Variants in DPP10 observed in about 807,000 individuals in gnomAD.
DPP10 encodes the protein dipeptidyl peptidase like 10, also known as inactive dipeptidyl peptidase 10.
In DPP10, 33 loss-of-function variants were observed where a neutral mutation model predicts 120.9. The ratio of observed to expected loss-of-function variants is 0.27; its 90% CI spans 0.21 to 0.37. The LOEUF (loss-of-function observed/expected upper bound fraction) is 0.37, where lower values mean the gene tolerates loss of function less well. Among genes scored for constraint, DPP10 ranks in the 10% least tolerant of loss-of-function variants. DPP10 has a pLI of 1.00. For synonymous variants in DPP10, 337 were observed against 326.1 expected (o/e 1.03, Z -0.36); for missense variants, 816 against 942.8 (o/e 0.87, Z 1.76).
intron 1 of DPP10, among the ~76,000 whole-genome samples, chr2:115,301,407 T>A (rs1194180941): frequency 6.6e-6 from 1 of 151,678 alleles, no homozygotes; most frequent in Non-Finnish European, 1.5e-5. Context: ...GCCAGAACTT[T>A]GCAAAATAAG....
At chr2:114,713,533 T>C (rs935402545) in intron 1 of DPP10, among the ~76,000 whole-genome samples, 1 of 152,200 alleles carries the variant, frequency 6.6e-6, no homozygotes, top group African/African-American at 2.4e-5. Flanking sequence ...TATTTGGCAC[T>C]GAACTGAACA....
chr2:115,705,189 T>A (rs1207466390), intron 7 of DPP10, among the ~76,000 whole-genome samples: 2 of 152,002 alleles, frequency 1.3e-5, no homozygotes, highest in Admixed American at 1.3e-4. Context: ...AATTGTGAAC[T>A]ATTTGATCAA....
At chr2:114,524,246 A>G (rs943209066) in intron 1 of DPP10, among the ~76,000 whole-genome samples, 6 of 152,234 alleles carry the variant, frequency 3.9e-5, no homozygotes, top group African/African-American at 1.2e-4. Flanking sequence ...TAGAGAGGAA[A>G]CAGAATGTCA....
In DPP10 at chr2:114,568,576, G is replaced by A. The variant is rs531326772; in HGVS notation, c.60+125738G>A. On this transcript the variant is annotated intron_variant, in intron 1 of 25. Transcript: ENST00000410059. ...CCCATCCCATTATCGCCTCAATCCC[G>A]AGCCTCTGTCCTCGGATCTGACCTG... Among the ~76,000 whole-genome samples the A allele has an allele frequency of 1.7e-4, 26 of 152,188 alleles. No homozygotes were observed. In the East Asian group the frequency reaches 2.9e-3, roughly 17 times the overall value.
intron 1 of DPP10, among the ~76,000 whole-genome samples, chr2:114,732,432 A>T (rs1327457465): frequency 6.6e-6 from 1 of 152,208 alleles, no homozygotes; most frequent in East Asian, 1.9e-4. Context: ...TTTACAGACC[A>T]AATGAGTTCA....
intron 3 of DPP10, among the ~76,000 whole-genome samples, chr2:115,438,592 AT>A (rs1355694549): frequency 1.3e-5 from 2 of 152,248 alleles, no homozygotes; most frequent in African/African-American, 4.8e-5. Flanking sequence ...GACACATGCT[AT>A]CCCATAGATG....
intron 5 of DPP10, among the ~76,000 whole-genome samples, chr2:115,527,971 C>G (rs2078232500): frequency 6.6e-6 from 1 of 152,026 alleles, no homozygotes; most frequent in Non-Finnish European, 1.5e-5. Context: ...AAAAACTAAG[C>G]ATATATTTGG....
intron 1 of DPP10, among the ~76,000 whole-genome samples, chr2:114,462,688 C>T (rs1298179552): frequency 6.6e-6 from 1 of 152,198 alleles, no homozygotes; most frequent in Non-Finnish European, 1.5e-5. Context: ...GGTGTCTCCA[C>T]TATAAAACGC....
chr2:115,254,850 A>G (rs576246377), intron 1 of DPP10, among the ~76,000 whole-genome samples: 2 of 152,286 alleles, frequency 1.3e-5, no homozygotes, highest in African/African-American at 2.4e-5. Flanking sequence ...CTCCCACAGC[A>G]TTTGGCCGCT....
At chr2:114,580,598 C>A (rs533223569) in intron 1 of DPP10, among the ~76,000 whole-genome samples, 9 of 152,210 alleles carry the variant, frequency 5.9e-5, no homozygotes, top group African/African-American at 9.6e-5. Flanking sequence ...TAAATTTTAT[C>A]TTAATCCTGG....
chr2:115,028,436 A>G (rs1418205565), intron 1 of DPP10, among the ~76,000 whole-genome samples: 2 of 152,102 alleles, frequency 1.3e-5, no homozygotes, highest in Non-Finnish European at 2.9e-5. Context: ...GTTTGAGTCC[A>G]CTGTGGTCAG....
rs768617009 is a variant in DPP10, at chr2:115,780,940, A to G, written c.1428A>G (p.Thr476=). 2.5e-6 allele frequency: 4 copies of G among 1,604,250 alleles called. No individual in the cohort carries two copies. In the African/African-American group the frequency reaches 4.0e-5, roughly 16 times the overall value. Residue 476 remains threonine (T), a synonymous_variant, in exon 16 of 26, where the codon ACA becomes ACG. Transcript: ENST00000410059. Reference sequence around the variant, plus strand: ...GTAATTTCATGAAAGAACAATGTACATATTTTGATGCCAGTTTTAGTCCCA... The same window carrying G: ...GTAATTTCATGAAAGAACAATGTACGTATTTTGATGCCAGTTTTAGTCCCA... ...ISCNFMKEQC[T]YFDASFSPMN...
rs376853242 is a variant in DPP10 at position 115,658,054 on chromosome 2, AT to A, written c.442-31628del. On this transcript the variant is annotated intron_variant, in intron 5 of 25. Coordinates refer to ENST00000410059, the MANE Select transcript of DPP10 (RefSeq NM_020868.6). Reference sequence around the variant, plus strand: ...TATTTAATGTGACAATAATGTGTTAATTTTTATTTCAAGACATCTTGTATGA... The same window carrying A: ...TATTTAATGTGACAATAATGTGTTAATTTTATTTCAAGACATCTTGTATGA... Among the ~76,000 whole-genome samples, 21 of 152,110 alleles carry A rather than the reference AT, an allele frequency of 1.4e-4. No individual in the cohort carries two copies. In the East Asian group the frequency reaches 3.3e-3, roughly 24 times the overall value.
intron 1 of DPP10, among the ~76,000 whole-genome samples, chr2:115,125,410 C>A (rs2050021360): frequency 6.6e-6 from 1 of 152,002 alleles, no homozygotes; most frequent in African/African-American, 2.4e-5. Flanking sequence ...TATTTTTGTT[C>A]TTTTCCCTAT....
intron 1 of DPP10, among the ~76,000 whole-genome samples, chr2:114,520,939 A>C (rs1208970028): frequency 2.0e-5 from 3 of 152,220 alleles, no homozygotes; most frequent in African/African-American, 4.8e-5. Context: ...GGAAACTGAT[A>C]GCTTCTCCAG....
At chr2:114,882,038 T>C (rs1691686180) in intron 1 of DPP10, among the ~76,000 whole-genome samples, 2 of 152,136 alleles carry the variant, frequency 1.3e-5, no homozygotes, top group East Asian at 1.9e-4. Context: ...TGCATGTTTG[T>C]TTTAAAAAGT....
At chr2:114,594,684 A>G (rs986027575) in intron 1 of DPP10, among the ~76,000 whole-genome samples, 1 of 151,746 alleles carries the variant, frequency 6.6e-6, no homozygotes, top group African/African-American at 2.4e-5. Flanking sequence ...CTGACTGCAA[A>G]AAGATTGAAG....
chr2:114,582,015 A>C (rs774588271), intron 1 of DPP10, among the ~76,000 whole-genome samples: 12 of 152,176 alleles, frequency 7.9e-5, no homozygotes, highest in Non-Finnish European at 1.6e-4. Context: ...GGTATTGTAC[A>C]TTCTATGGGT....
At chr2:115,300,690 G>T (rs1255768161) in intron 1 of DPP10, among the ~76,000 whole-genome samples, 1 of 151,674 alleles carries the variant, frequency 6.6e-6, no homozygotes, top group Admixed American at 6.6e-5. Flanking sequence ...TACAATTTTG[G>T]GGTCATTTTA....
Sources: gnomAD v4.1 joint callset for allele counts (sites outside exome capture counted in the v4.1 genomes callset) on GRCh38, gnomAD v4.1.1 for gene constraint, MANE v1.5 for transcripts, NCBI Gene and HGNC (gene_info 2026-07-23, HGNC 2026-07-21) for gene names.